The following THRAP3 variants were observed in gnomAD, a reference collection of about 807,000 sequenced individuals.
THRAP3 encodes the protein thyroid hormone receptor-associated protein 3.
THRAP3 carries 16 observed loss-of-function variants against 101.0 expected under a neutral mutation model. That is an observed-to-expected ratio of 0.16 (90% CI 0.11 to 0.24). The LOEUF (loss-of-function observed/expected upper bound fraction) is 0.24, where lower values mean the gene tolerates loss of function less well. Among genes scored for constraint, THRAP3 ranks in the 10% least tolerant of loss-of-function variants. The probability of loss-of-function intolerance (pLI) is 1.00; values close to 1 mark genes in which losing one functional copy is unlikely to be tolerated. For synonymous variants in THRAP3, 407 were observed against 422.6 expected, an observed-to-expected ratio of 0.96 and a Z score of 0.45; for missense variants, 989 against 1,202.7, an observed-to-expected ratio of 0.82 and a Z score of 2.63.
intron 2 of THRAP3, among the ~76,000 whole-genome samples, chr1:36,259,975 G>A (rs1645423872): frequency 6.6e-6 from 1 of 152,078 alleles, no homozygotes; most frequent in African/African-American, 2.4e-5. Flanking sequence ...AGGCGTGGTG[G>A]CTCCTGACTG....
intron 1 of THRAP3, among the ~76,000 whole-genome samples, chr1:36,231,131 G>C (rs550677328): frequency 1.9e-4 from 29 of 151,924 alleles, no homozygotes; most frequent in African/African-American, 6.8e-4. Context: ...TAGTCACTTT[G>C]CTGTCTTACA....
intron 4 of THRAP3, chr1:36,288,514 A>G: frequency 2.0e-6 from 2 of 985,440 alleles, no homozygotes; most frequent in Non-Finnish European, 2.4e-6. Flanking sequence ...CCTCTCCCCC[A>G]TTAACATGTA....
the THRAP3 span, among the ~76,000 whole-genome samples, chr1:36,213,571 C>T: frequency 1.2e-3 from 180 of 152,098 alleles, no homozygotes; most frequent in African/African-American, 4.2e-3. Context: ...CCTGGCCGGG[C>T]GCTGTGGCTC....
Position 36,231,069 on chromosome 1 carries a change from C to G in THRAP3, c.-135+6564C>G, listed in dbSNP as rs182056168. Among the ~76,000 whole-genome samples the G allele has an allele frequency of 4.9e-4, 74 of 152,234 alleles. 1 individual carries two copies. Among genetic ancestry groups the G allele is most frequent in the African/African-American group, 1.8e-3 (74 of 41,548 alleles). On this transcript the variant is annotated intron_variant, in intron 1 of 11. Transcript: ENST00000354618. ...TTTCTATTACTTGTCTATTTTCCAT[C>G]TTTTATTACCTGTTCTGGATATATC...
In THRAP3 at chr1:36,304,000, C is replaced by A; in HGVS notation, c.2851C>A (p.Gln951Lys). 2 of 1,562,714 alleles carry A rather than the reference C, an allele frequency of 1.3e-6. No individual in the cohort carries two copies. Among genetic ancestry groups the A allele is most frequent in the South Asian group, 1.2e-5 (1 of 83,916 alleles). ...GAACCGAGAAGAGAAGGACAATATA[C>A]AGCCCACAACCGAGTAGGGGCCACC... ...TENREEKDNI[Q>K]PTTE The change falls in exon 12 of 12, where the codon CAG becomes AAG. Residue 951 changes from glutamine (Q) to lysine (K), a missense_variant. Gln to Lys is a moderately conservative substitution (Grantham distance 53). Coordinates refer to ENST00000354618, the MANE Select transcript of THRAP3 (RefSeq NM_005119.4).
intron 1 of THRAP3, among the ~76,000 whole-genome samples, chr1:36,245,170 T>C (rs901418080): frequency 6.7e-6 from 1 of 150,178 alleles, no homozygotes; most frequent in Admixed American, 6.6e-5. Context: ...TCCCAATCTT[T>C]TTTTTTTTTT....
In THRAP3 at chr1:36,304,471, T is replaced by A. The variant is rs1475810057; in HGVS notation, c.*454T>A. The stretch of plus-strand genomic sequence containing the variant: ...CTTTTTTTTTTTTTTTTTCTTTTTT[T>A]AGGCATATGTAGTAATATTAGAAAC... On this transcript the variant is annotated 3_prime_UTR_variant, in exon 12 of 12. Coordinates refer to ENST00000354618, the MANE Select transcript of THRAP3 (RefSeq NM_005119.4). The A allele has an allele frequency of 4.4e-6, 1 of 229,586 alleles. No homozygotes were observed. Among genetic ancestry groups the A allele is most frequent in the Admixed American group, 5.7e-5 (1 of 17,596 alleles). 14.2% of individuals were successfully genotyped at this position (229,586 alleles called of 1,614,324 possible). A position where few individuals can be genotyped will look rare whatever the true frequency, so the allele number is the denominator to read the frequency against.
chr1:36,252,344 G>A (rs962924594), intron 1 of THRAP3, among the ~76,000 whole-genome samples: 1 of 152,062 alleles, frequency 6.6e-6, no homozygotes, highest in African/African-American at 2.4e-5. Flanking sequence ...AGGCTGGCCT[G>A]GAACTCCTGA....
At chr1:36,265,140 TA>T (rs1170368728) in intron 2 of THRAP3, among the ~76,000 whole-genome samples, 3 of 152,356 alleles carry the variant, frequency 2.0e-5, no homozygotes, top group African/African-American at 7.2e-5. Flanking sequence ...ACTGGACCCA[TA>T]ACAGTTCCTA....
intron 11 of THRAP3, among the ~76,000 whole-genome samples, chr1:36,301,990 C>T (rs1230192844): frequency 6.6e-6 from 1 of 152,230 alleles, no homozygotes; most frequent in Non-Finnish European, 1.5e-5. Flanking sequence ...CCACCAACCT[C>T]AGCCTCCCTC....
At chr1:36,225,532 C>T (rs1258853959) in intron 1 of THRAP3, 4 of 152,130 alleles carry the variant, frequency 2.6e-5, no homozygotes, top group Admixed American at 2.6e-4. Context: ...AATCACTTAG[C>T]CACTGTTAAA....
the THRAP3 span, among the ~76,000 whole-genome samples, chr1:36,213,351 C>G: frequency 6.6e-6 from 1 of 152,096 alleles, no homozygotes; most frequent in Non-Finnish European, 1.5e-5. Context: ...CTTCATATTC[C>G]TAACTTTGGC....
At chr1:36,287,377 C>T in intron 4 of THRAP3, 107 bp downstream of exon 4, 3 of 1,402,452 alleles carry the variant, frequency 2.1e-6, no homozygotes, top group Non-Finnish European at 2.8e-6. Context: ...AAAGGTAATC[C>T]CTATTTCCTA....
chr1:36,213,888 GGAAA>G, the THRAP3 span, among the ~76,000 whole-genome samples: 2 of 118,740 alleles, frequency 1.7e-5, no homozygotes, highest in African/African-American at 3.1e-5. Flanking sequence ...AAGGAAAGAA[GGAAA>G]GAAAGAAAGA....
intron 2 of THRAP3, among the ~76,000 whole-genome samples, chr1:36,274,782 G>A (rs1324882945): frequency 3.3e-5 from 5 of 151,140 alleles, no homozygotes; most frequent in Non-Finnish European, 7.4e-5. Context: ...ATAGGCACGC[G>A]CCATCACGCC....
Position 36,296,591 on chromosome 1 carries a change from A to G in THRAP3, c.2124A>G (p.Gly708=). Residue 708 remains glycine (G), a synonymous_variant, in exon 9 of 12, where the codon GGA becomes GGG. Transcript: ENST00000354618. ...SPREPGYKAE[G]KYKDDPVDLR... ...GGCTTATCTTTTGATAGGCTGAGGG[A>G]AAATACAAAGATGATCCTGTTGATC... is the stretch of plus-strand genomic sequence containing the variant. 1 of 1,553,138 alleles carries G rather than the reference A, an allele frequency of 6.4e-7. No homozygotes were observed. Among genetic ancestry groups the G allele is most frequent in the South Asian group, 1.2e-5 (1 of 81,124 alleles).
At chr1:36,272,991 G>C (rs76946057) in intron 2 of THRAP3, among the ~76,000 whole-genome samples, 12,815 of 152,266 alleles carry the variant, frequency 0.084, 759 homozygotes, top group Middle Eastern at 0.23. Flanking sequence ...TTCTTGTGAA[G>C]AGAATGGAGA....
At chr1:36,259,563 G>A (rs1358294796) in intron 2 of THRAP3, 79 bp downstream of exon 2, 7 of 394,742 alleles carry the variant, frequency 1.8e-5, no homozygotes. Context: ...TGATTATTTC[G>A]AGACCAGCCT....
chr1:36,208,868 T>C, the THRAP3 span, among the ~76,000 whole-genome samples: 1 of 151,896 alleles, frequency 6.6e-6, no homozygotes, highest in East Asian at 1.9e-4. Context: ...GGTTTCGCCA[T>C]GTTGGCCAGG....
Sources: allele counts gnomAD v4.1 joint callset (sites outside exome capture counted in the v4.1 genomes callset), GRCh38; gene constraint gnomAD v4.1.1; transcripts MANE v1.5; gene names NCBI Gene and HGNC (gene_info 2026-07-23, HGNC 2026-07-21).